MDGA2: variants seen among roughly 807,000 people sequenced by gnomAD.
The protein encoded by MDGA2 is MAM domain containing glycosylphosphatidylinositol anchor 2, also known as MAM domain-containing glycosylphosphatidylinositol anchor protein 2.
In MDGA2, 40 loss-of-function variants were observed where a neutral mutation model predicts 117.8. The observed-to-expected ratio is 0.34, with a 90% confidence interval of 0.26 to 0.44. The LOEUF (loss-of-function observed/expected upper bound fraction) is 0.44, where lower values mean the gene tolerates loss of function less well. Ranked by LOEUF, MDGA2 falls within the 20% of genes least tolerant of loss-of-function variation. MDGA2 has a pLI of 1.00. For missense variants in MDGA2, 1,123 were observed against 1,250.6 expected (o/e 0.90, Z 1.54); for synonymous variants, 452 against 439.0 (o/e 1.03, Z -0.37).
chr14:47,069,599 G>C (rs1403946938), intron 6 of MDGA2, among the ~76,000 whole-genome samples: 1 of 152,176 alleles, frequency 6.6e-6, no homozygotes, highest in Non-Finnish European at 1.5e-5. Flanking sequence ...AGTCAGGTTT[G>C]TTGAGAAAGG....
At chr14:47,399,727 C>CA (rs1040830461) in intron 1 of MDGA2, among the ~76,000 whole-genome samples, 5 of 150,234 alleles carry the variant, frequency 3.3e-5, no homozygotes, top group Admixed American at 6.7e-5. Flanking sequence ...AAAGAGTTTA[C>CA]AAAAAAATCA....
intron 8 of MDGA2, among the ~76,000 whole-genome samples, chr14:46,963,268 T>G (rs1411737815): frequency 6.6e-6 from 1 of 152,218 alleles, no homozygotes; most frequent in Non-Finnish European, 1.5e-5. Flanking sequence ...ACTACTATTA[T>G]TTCTCACATG....
intron 1 of MDGA2, among the ~76,000 whole-genome samples, chr14:47,412,319 C>T (rs1015001200): frequency 6.6e-6 from 1 of 152,022 alleles, no homozygotes; most frequent in Non-Finnish European, 1.5e-5. Context: ...CTCGTTCAGC[C>T]ACCCAAGCTA....
At chr14:47,090,829 G>C (rs911259803) in intron 6 of MDGA2, among the ~76,000 whole-genome samples, 1 of 152,120 alleles carries the variant, frequency 6.6e-6, no homozygotes, top group Admixed American at 6.5e-5. Context: ...AAAGAGAAGA[G>C]ACAGACAGCC....
chr14:47,274,033 T>A (rs947697963), intron 2 of MDGA2, among the ~76,000 whole-genome samples: 1 of 152,096 alleles, frequency 6.6e-6, no homozygotes, highest in Non-Finnish European at 1.5e-5. Flanking sequence ...AGGGCTTTTA[T>A]TTTTTTAACG....
At chr14:47,559,715 G>A (rs1041820060) in intron 1 of MDGA2, among the ~76,000 whole-genome samples, 1 of 151,876 alleles carries the variant, frequency 6.6e-6, no homozygotes, top group Admixed American at 6.6e-5. Flanking sequence ...TAGGATTACA[G>A]GTGCCCACCA....
chr14:47,651,029 T>G (rs1325546776), intron 1 of MDGA2, among the ~76,000 whole-genome samples: 1 of 152,174 alleles, frequency 6.6e-6, no homozygotes, highest in Non-Finnish European at 1.5e-5. Context: ...AGAAGCTTTT[T>G]GGGTCTTTAT....
At position 47,155,884 on chromosome 14, in the gene MDGA2, TCTTC is replaced by T. The variant is rs1281161620; in HGVS notation, c.596-11614_596-11611del. 3.8e-4 allele frequency among the ~76,000 whole-genome samples: 30 copies of T among 78,298 alleles called. 2 individuals carry two copies. Among genetic ancestry groups the T allele is most frequent in the African/African-American group, 1.1e-3 (16 of 14,392 alleles). The allele number at this position is 78,298 out of a possible 152,430, so 51.4% of individuals were successfully genotyped here. A position where few individuals can be genotyped will look rare whatever the true frequency, so the allele number is the denominator to read the frequency against. The stretch of plus-strand genomic sequence containing the variant: ...TACAATTCTTTTCTTTTCTTCTTCT[TCTTC>T]TTTTTTTTTTTTTTTTTTTTTTTTT... On this transcript the variant is annotated intron_variant, in intron 3 of 16. Coordinates refer to ENST00000399232, the MANE Select transcript of MDGA2 (RefSeq NM_001113498.3).
chr14:47,589,966 T>C (rs1302072672), intron 1 of MDGA2, among the ~76,000 whole-genome samples: 1 of 152,006 alleles, frequency 6.6e-6, no homozygotes, highest in Admixed American at 6.6e-5. Flanking sequence ...TTTTGGATTG[T>C]TCATTTGCCA....
At position 47,525,728 on chromosome 14, in the gene MDGA2, GT is replaced by G. The variant is rs371652938; in HGVS notation, c.280+148788del. Among the ~76,000 whole-genome samples the G allele has an allele frequency of 6.3e-3, 922 of 147,134 alleles. 8 individuals are homozygous for G. The highest frequency in any genetic ancestry group is 0.018 in the Middle Eastern group (5 of 282). On this transcript the variant is annotated intron_variant, in intron 1 of 16. Coordinates refer to ENST00000399232, the MANE Select transcript of MDGA2 (RefSeq NM_001113498.3). ...AAAAAAAAAGCTTAATTGATTTTAA[GT>G]TTTTTTTTTTTCTCTCTCTCTTTTT...
At chr14:46,876,778 C>T (rs1353252581) in intron 12 of MDGA2, among the ~76,000 whole-genome samples, 2 of 151,308 alleles carry the variant, frequency 1.3e-5, no homozygotes, top group South Asian at 2.1e-4. Flanking sequence ...CTCTTTAGTC[C>T]TTAAACTTGT....
At chr14:47,554,969 T>A (rs1895656110) in intron 1 of MDGA2, among the ~76,000 whole-genome samples, 1 of 152,130 alleles carries the variant, frequency 6.6e-6, no homozygotes, top group African/African-American at 2.4e-5. Context: ...GACAAGCAAA[T>A]AAGTTCAACT....
At chr14:47,275,262 G>A (rs573188141) in intron 2 of MDGA2, among the ~76,000 whole-genome samples, 38 of 152,236 alleles carry the variant, frequency 2.5e-4, no homozygotes, top group African/African-American at 7.7e-4. Context: ...TCTTTTGTTA[G>A]CTTAGAACAG....
intron 1 of MDGA2, among the ~76,000 whole-genome samples, chr14:47,354,864 C>A (rs1890958643): frequency 6.6e-6 from 1 of 150,940 alleles, no homozygotes; most frequent in Non-Finnish European, 1.5e-5. Context: ...TTTTTTTTTC[C>A]AAAAAGATGG....
chr14:47,035,966 C>T (rs540822102), intron 7 of MDGA2, among the ~76,000 whole-genome samples: 8 of 151,954 alleles, frequency 5.3e-5, no homozygotes, highest in Admixed American at 3.9e-4. Context: ...TATATTTCAA[C>T]GAATATAAAA....
At chr14:47,288,839 T>G (rs989266882) in intron 2 of MDGA2, among the ~76,000 whole-genome samples, 21 of 152,128 alleles carry the variant, frequency 1.4e-4, no homozygotes, top group Non-Finnish European at 2.9e-4. Context: ...ATAGGCACTT[T>G]CCTTGTGTAG....
intron 1 of MDGA2, among the ~76,000 whole-genome samples, chr14:47,552,987 A>G (rs1464824073): frequency 6.6e-6 from 1 of 152,168 alleles, no homozygotes; most frequent in Non-Finnish European, 1.5e-5. Flanking sequence ...CCTCTCAGGA[A>G]GACTTTCACT....
At chr14:47,409,633 T>G (rs1196211587) in intron 1 of MDGA2, among the ~76,000 whole-genome samples, 1 of 152,226 alleles carries the variant, frequency 6.6e-6, no homozygotes, top group African/African-American at 2.4e-5. Context: ...TTATCTTTTA[T>G]GACACAGCAG....
intron 10 of MDGA2, among the ~76,000 whole-genome samples, chr14:46,894,010 A>T (rs1882982233): frequency 6.6e-6 from 1 of 152,048 alleles, no homozygotes; most frequent in Admixed American, 6.6e-5. Context: ...TTAGAATTGC[A>T]GTTTGGGGTG....
Sources: gnomAD v4.1 joint callset for allele counts (sites outside exome capture counted in the v4.1 genomes callset) on GRCh38, gnomAD v4.1.1 for gene constraint, MANE v1.5 for transcripts, NCBI Gene and HGNC (gene_info 2026-07-23, HGNC 2026-07-21) for gene names.